The following ACOXL variants were observed in gnomAD, a reference collection of about 807,000 sequenced individuals.
ACOXL encodes the protein acyl-coenzyme A oxidase-like protein.
In ACOXL, 70 loss-of-function variants were observed where a neutral mutation model predicts 71.9. The observed-to-expected ratio is 0.97, with a 90% CI of 0.80 to 1.19. ACOXL has a LOEUF of 1.19. Among genes scored for constraint, ACOXL ranks in the 50% most tolerant of loss-of-function variants. The probability of loss-of-function intolerance (pLI) is 0.00; values close to 1 mark genes in which losing one functional copy is unlikely to be tolerated. For missense variants in ACOXL, 703 were observed against 736.3 expected, an observed-to-expected ratio of 0.95 and a Z score of 0.52; for synonymous variants, 253 against 281.6, an observed-to-expected ratio of 0.90 and a Z score of 1.02.
rs377645629 is a variant in ACOXL, at chr2:110,841,292, G to A, written c.754-79G>A. 6.6e-4 allele frequency: 692 copies of A among 1,044,518 alleles called. 2 individuals are homozygous for A. Among genetic ancestry groups the A allele is most frequent in the African/African-American group, 3.2e-3 (205 of 63,318 alleles). 64.7% of individuals were successfully genotyped at this position (1,044,518 alleles called of 1,614,324 possible). A position where few individuals can be genotyped will look rare whatever the true frequency, so the allele number is the denominator to read the frequency against. ...GAAAATCTTTAAAACGTAATTGGCC[G>A]TATCAAGTTAATTTTCTTGTGTGAA... On this transcript the variant is annotated intron_variant, in intron 9 of 17. Coordinates refer to ENST00000439055, the MANE Select transcript of ACOXL (RefSeq NM_001142807.4).
chr2:110,735,985 A>C (rs1312107722), intron 1 of ACOXL, among the ~76,000 whole-genome samples: 1 of 150,646 alleles, frequency 6.6e-6, no homozygotes, highest in Non-Finnish European at 1.5e-5. Flanking sequence ...GCCTTCTCAC[A>C]CCCTTCTTCT....
chr2:110,911,117 T>C (rs893957744), intron 11 of ACOXL, among the ~76,000 whole-genome samples: 1 of 152,008 alleles, frequency 6.6e-6, no homozygotes, highest in African/African-American at 2.4e-5. Context: ...CAACAAAATA[T>C]ACAAAACCTA....
intron 10 of ACOXL, among the ~76,000 whole-genome samples, chr2:110,886,396 T>C (rs1697299300): frequency 1.3e-5 from 2 of 151,434 alleles, no homozygotes; most frequent in Non-Finnish European, 3.0e-5. Context: ...TTTTTTTTTT[T>C]TAATGGATTC....
intron 7 of ACOXL, among the ~76,000 whole-genome samples, chr2:110,800,947 G>A (rs1288030195): frequency 1.3e-5 from 2 of 152,200 alleles, no homozygotes; most frequent in African/African-American, 2.4e-5. Flanking sequence ...GCCCTTGTAA[G>A]CTGCTACATG....
intron 12 of ACOXL, among the ~76,000 whole-genome samples, chr2:110,944,237 T>C (rs1272289315): frequency 2.0e-5 from 3 of 152,022 alleles, no homozygotes; most frequent in African/African-American, 7.2e-5. Context: ...GTATTTATAG[T>C]AGAGACGGGT....
At chr2:110,937,087 A>G (rs1008473212) in intron 12 of ACOXL, among the ~76,000 whole-genome samples, 6 of 152,106 alleles carry the variant, frequency 3.9e-5, no homozygotes, top group Admixed American at 3.3e-4. Context: ...AGGGATTTTT[A>G]TAGAGGCTTC....
intron 14 of ACOXL, among the ~76,000 whole-genome samples, chr2:111,003,410 A>G (rs10180604): frequency 0.9 from 136,139 of 151,556 alleles, 61,411 homozygotes; most frequent in African/African-American, 0.97. Flanking sequence ...AATTAGCTGA[A>G]CCTGGTGGTG....
chr2:110,771,266 A>T (rs927918586), intron 2 of ACOXL, among the ~76,000 whole-genome samples: 1 of 152,234 alleles, frequency 6.6e-6, no homozygotes, highest in Non-Finnish European at 1.5e-5. Flanking sequence ...TCCGCCCTGT[A>T]AACAGCTGGA....
At chr2:110,905,939 CCT>C (rs1287607527) in intron 10 of ACOXL, among the ~76,000 whole-genome samples, 1 of 152,090 alleles carries the variant, frequency 6.6e-6, no homozygotes, top group Non-Finnish European at 1.5e-5. Flanking sequence ...GCCTTGGTGG[CCT>C]CTTTCTGCTC....
chr2:111,010,052 C>A (rs2064074547), intron 14 of ACOXL, among the ~76,000 whole-genome samples: 1 of 152,110 alleles, frequency 6.6e-6, no homozygotes, highest in Non-Finnish European at 1.5e-5. Flanking sequence ...ATAGTGTCCA[C>A]TAGATACTTA....
At chr2:110,870,652 T>A (rs1326058606) in intron 10 of ACOXL, among the ~76,000 whole-genome samples, 1 of 152,196 alleles carries the variant, frequency 6.6e-6, no homozygotes, top group Non-Finnish European at 1.5e-5. Context: ...TCTTTAGGGA[T>A]GTTCCATACC....
At chr2:111,018,980 C>A (rs771537719) in intron 14 of ACOXL, among the ~76,000 whole-genome samples, 17 of 152,216 alleles carry the variant, frequency 1.1e-4, no homozygotes, top group Admixed American at 9.8e-4. Flanking sequence ...GGGCCCAGCA[C>A]CAGCTGAGCT....
rs1018067545 is a variant in ACOXL at position 110,843,040 on chromosome 2, C to T, written c.788+1635C>T. On this transcript the variant is annotated intron_variant, in intron 10 of 17. Transcript: ENST00000439055. ...AGAAGCATGGTGCGCACACGGACCC[C>T]TAACCCTAAAACCAACTGTGTGGTA... Among the ~76,000 whole-genome samples, 3 of 152,168 alleles carry T rather than the reference C, an allele frequency of 2.0e-5. No homozygotes were observed. In the East Asian group the frequency reaches 5.8e-4, roughly 29 times the overall value.
chr2:111,068,439 G>A (rs2067178868), intron 16 of ACOXL, among the ~76,000 whole-genome samples: 1 of 152,200 alleles, frequency 6.6e-6, no homozygotes, highest in Non-Finnish European at 1.5e-5. Context: ...ACCCAGGTGA[G>A]CCTTGAAATT....
intron 1 of ACOXL, among the ~76,000 whole-genome samples, chr2:110,743,352 C>T (rs1677777585): frequency 6.6e-6 from 1 of 152,174 alleles, no homozygotes; most frequent in African/African-American, 2.4e-5. Flanking sequence ...TGTTTTGTCC[C>T]AGGCCACATG....
At chr2:110,913,685 T>C (rs2059731433) in intron 11 of ACOXL, among the ~76,000 whole-genome samples, 1 of 152,180 alleles carries the variant, frequency 6.6e-6, no homozygotes, top group Non-Finnish European at 1.5e-5. Flanking sequence ...GAGGTTTAGT[T>C]GGCTCATAAT....
At chr2:110,860,904 G>A (rs1312746259) in intron 10 of ACOXL, among the ~76,000 whole-genome samples, 1 of 152,162 alleles carries the variant, frequency 6.6e-6, no homozygotes, top group Non-Finnish European at 1.5e-5. Flanking sequence ...CTCACAGATC[G>A]GAGTCCTGCT....
At chr2:110,861,143 A>G (rs575515275) in intron 10 of ACOXL, among the ~76,000 whole-genome samples, 4 of 152,170 alleles carry the variant, frequency 2.6e-5, no homozygotes, top group Non-Finnish European at 4.4e-5. Flanking sequence ...CAACAACAAC[A>G]TCAACAATAA....
intron 10 of ACOXL, among the ~76,000 whole-genome samples, chr2:110,904,282 T>A (rs553312601): frequency 2.0e-5 from 3 of 152,194 alleles, no homozygotes; most frequent in Non-Finnish European, 4.4e-5. Flanking sequence ...CTTCTATCCC[T>A]GTCCTAACTG....
Sources: allele counts gnomAD v4.1 joint callset (sites outside exome capture counted in the v4.1 genomes callset), GRCh38; gene constraint gnomAD v4.1.1; transcripts MANE v1.5; gene names NCBI Gene and HGNC (gene_info 2026-07-23, HGNC 2026-07-21).